The following STK3 variants were observed in gnomAD, a reference collection of about 807,000 sequenced individuals.
STK3 encodes the protein serine/threonine-protein kinase 3.
Under a neutral mutation model 58.0 loss-of-function variants are expected in STK3, and 41 were observed. That is an observed-to-expected ratio of 0.71 (90% CI 0.55 to 0.92). STK3 has a LOEUF of 0.92. STK3 is among the 40% of genes least tolerant of loss of function. The pLI is 0.00. For missense variants in STK3, 479 were observed against 602.7 expected, an observed-to-expected ratio of 0.79 and a Z score of 2.15; for synonymous variants, 170 against 191.0, an observed-to-expected ratio of 0.89 and a Z score of 0.91.
intron 6 of STK3, among the ~76,000 whole-genome samples, chr8:98,675,160 C>T (rs1399621881): frequency 6.6e-6 from 1 of 152,066 alleles, no homozygotes; most frequent in African/African-American, 2.4e-5. Context: ...ATGAACAAGG[C>T]TTGTGGAAAA....
chr8:98,764,080 A>T lies in STK3; in HGVS notation c.236+3163T>A, dbSNP rs1830795766. Among the ~76,000 whole-genome samples the T allele has an allele frequency of 2.6e-5, 4 of 152,232 alleles. No homozygotes were observed. In the South Asian group the frequency reaches 8.3e-4, roughly 32 times the overall value. On this transcript the variant is annotated intron_variant, in intron 3 of 10. Coordinates refer to ENST00000419617, the MANE Select transcript of STK3 (RefSeq NM_006281.4). ...ATACTTACAATATGAATTTGACAGT[A>T]AAATCTTAAAAGGCAGAAACCATTT... is the stretch of plus-strand genomic sequence containing the variant.
At chr8:98,612,363 T>C (rs543587727) in intron 6 of STK3, among the ~76,000 whole-genome samples, 1 of 150,054 alleles carries the variant, frequency 6.7e-6, no homozygotes, top group South Asian at 2.1e-4. Context: ...TCAAGACCAG[T>C]TCAAGACCAC....
intron 6 of STK3, among the ~76,000 whole-genome samples, chr8:98,679,516 A>C (rs1360389448): frequency 6.6e-6 from 1 of 152,190 alleles, no homozygotes; most frequent in Non-Finnish European, 1.5e-5. Flanking sequence ...ATGACTATCT[A>C]AGACACATGA....
chr8:98,592,587 G>T (rs1459976698), intron 7 of STK3, among the ~76,000 whole-genome samples: 1 of 151,712 alleles, frequency 6.6e-6, no homozygotes, highest in Non-Finnish European at 1.5e-5. Flanking sequence ...TTTAGAGTAG[G>T]ACAGGAGTCT....
chr8:98,850,637 G>A (rs560810733), intron 3 of STK3, among the ~76,000 whole-genome samples: 2 of 152,204 alleles, frequency 1.3e-5, no homozygotes, highest in East Asian at 1.9e-4. Context: ...CAGTATGTAC[G>A]AAGGCATGAA....
intron 6 of STK3, among the ~76,000 whole-genome samples, chr8:98,664,994 T>C (rs1822232471): frequency 6.6e-6 from 1 of 152,118 alleles, no homozygotes; most frequent in Non-Finnish European, 1.5e-5. Context: ...TAAATTCCAC[T>C]AGGACACAAC....
At chr8:98,864,522 T>C (rs781566459) in intron 3 of STK3, among the ~76,000 whole-genome samples, 13 of 152,222 alleles carry the variant, frequency 8.5e-5, no homozygotes, top group Non-Finnish European at 1.8e-4. Flanking sequence ...ATAACTAAAC[T>C]AGATTCCTGA....
At chr8:98,694,468 T>C (rs1316206985) in intron 6 of STK3, among the ~76,000 whole-genome samples, 1 of 152,168 alleles carries the variant, frequency 6.6e-6, no homozygotes, top group Non-Finnish European at 1.5e-5. Context: ...TCATTTAGCA[T>C]TAAGTATATC....
intron 10 of STK3, among the ~76,000 whole-genome samples, chr8:98,511,099 C>A (rs1054473200): frequency 3.3e-5 from 5 of 151,942 alleles, no homozygotes; most frequent in African/African-American, 1.2e-4. Flanking sequence ...TGAATAATAA[C>A]ATATTCTAAC....
intron 6 of STK3, among the ~76,000 whole-genome samples, chr8:98,604,594 C>A (rs1425359723): frequency 1.3e-5 from 2 of 152,224 alleles, no homozygotes; most frequent in African/African-American, 4.8e-5. Context: ...CTACAGCAGA[C>A]TTCTGCCTGG....
chr8:98,645,121 T>C (rs1439095757), intron 6 of STK3, among the ~76,000 whole-genome samples: 5 of 152,206 alleles, frequency 3.3e-5, no homozygotes, highest in African/African-American at 7.2e-5. Flanking sequence ...AAAGTTGAAA[T>C]TGATTGTTTA....
intron 1 of STK3, among the ~76,000 whole-genome samples, chr8:98,791,209 T>A (rs894787570): frequency 6.6e-6 from 1 of 152,064 alleles, no homozygotes; most frequent in Non-Finnish European, 1.5e-5. Flanking sequence ...AGAACTTAAC[T>A]CCTCTTACAA....
chr8:98,490,184 A>T (rs1822577611), intron 10 of STK3, among the ~76,000 whole-genome samples: 1 of 152,184 alleles, frequency 6.6e-6, no homozygotes, highest in Non-Finnish European at 1.5e-5. Flanking sequence ...CTTTAAACAC[A>T]TACTTGTCTG....
intron 3 of STK3, among the ~76,000 whole-genome samples, chr8:98,841,073 G>T (rs1256964624): frequency 1.3e-5 from 2 of 152,226 alleles, no homozygotes; most frequent in Non-Finnish European, 1.5e-5. Flanking sequence ...CAGCATAGAG[G>T]CTGGCTTCAT....
intron 3 of STK3, among the ~76,000 whole-genome samples, chr8:98,404,205 G>T (rs1353253920): frequency 6.6e-6 from 1 of 152,112 alleles, no homozygotes; most frequent in Non-Finnish European, 1.5e-5. Context: ...TTCTATTCTA[G>T]CATCTCTCTA....
intron 1 of STK3, among the ~76,000 whole-genome samples, chr8:98,442,825 A>G (rs556599064): frequency 2.0e-5 from 3 of 152,136 alleles, no homozygotes; most frequent in African/African-American, 7.2e-5. Context: ...CAACACCTCA[A>G]CTGAGGATTG....
chr8:98,470,487 C>T (rs954104294), intron 10 of STK3, among the ~76,000 whole-genome samples: 1 of 152,226 alleles, frequency 6.6e-6, no homozygotes, highest in Non-Finnish European at 1.5e-5. Flanking sequence ...GTACTCAGTA[C>T]AAGGCCTTTT....
intron 1 of STK3, among the ~76,000 whole-genome samples, chr8:98,444,722 G>T (rs1275272045): frequency 1.3e-5 from 2 of 152,180 alleles, no homozygotes; most frequent in South Asian, 2.1e-4. Flanking sequence ...CTTGAGGTAC[G>T]TGTGGGACAT....
chr8:98,836,627 A>G (rs1005250064), intron 3 of STK3, among the ~76,000 whole-genome samples: 2 of 152,212 alleles, frequency 1.3e-5, no homozygotes, highest in African/African-American at 4.8e-5. Flanking sequence ...TTCCTGTTCA[A>G]ATAACTGTGG....
Sources: gnomAD v4.1 joint callset for allele counts (sites outside exome capture counted in the v4.1 genomes callset) on GRCh38, gnomAD v4.1.1 for gene constraint, MANE v1.5 for transcripts, NCBI Gene and HGNC (gene_info 2026-07-23, HGNC 2026-07-21) for gene names.